Variants in C1QBP observed in about 807,000 individuals in gnomAD.
C1QBP encodes the protein complement C1q binding protein.
Under a neutral mutation model 29.4 loss-of-function variants are expected in C1QBP, and 24 were observed. The ratio of observed to expected loss-of-function variants is 0.82; its 90% CI spans 0.59 to 1.15. C1QBP has a LOEUF of 1.15. Among genes scored for constraint, C1QBP ranks in the 50% most tolerant of loss-of-function variants. C1QBP has a pLI of 0.00. For synonymous variants in C1QBP, 182 were observed against 149.2 expected (o/e 1.22, Z -1.60); for missense variants, 337 against 355.8 (o/e 0.95, Z 0.43).
intron 3 of C1QBP, chr17:5,434,204 T>G: frequency 4.7e-6 from 1 of 212,894 alleles, no homozygotes; most frequent in African/African-American, 2.3e-5. Context: ...TTTCCTCTGA[T>G]GCGGAGCTCT....
rs942069576 is a variant in C1QBP at position 5,433,005 on chromosome 17, T to C, written c.*10A>G. The C allele has an allele frequency of 1.2e-6, 2 of 1,605,082 alleles. No homozygotes were observed. The highest frequency in any genetic ancestry group is 2.7e-5 in the African/African-American group (2 of 74,434). ...TGCCATGAAACTATGGCTTTCAGCA[T>C]CTGTCTGCTCTACTGGCTCTTGACA... On this transcript the variant is annotated 3_prime_UTR_variant, in exon 6 of 6. Coordinates refer to ENST00000225698, the MANE Select transcript of C1QBP (RefSeq NM_001212.4).
rs112445315 is a variant in C1QBP at position 5,432,973 on chromosome 17, C to T, written c.*42G>A. On this transcript the variant is annotated 3_prime_UTR_variant, in exon 6 of 6. Coordinates refer to ENST00000225698, the MANE Select transcript of C1QBP (RefSeq NM_001212.4). ...TTCAGAGTAGGATTTGTTCACTGGC[C>T]AAAGCCTGCCATGAAACTATGGCTT... 1 of 1,587,284 alleles carries T rather than the reference C, an allele frequency of 6.3e-7. No individual in the cohort carries two copies. The highest frequency in any genetic ancestry group is 8.6e-7 in the Non-Finnish European group (1 of 1,167,534).
chr17:5,436,041 T>TCC (rs72166796), intron 2 of C1QBP, among the ~76,000 whole-genome samples: 2 of 38,822 alleles, frequency 5.2e-5, no homozygotes, highest in African/African-American at 1.9e-4. Context: ...CAAGACTCTG[T>TCC]CAGAAAAAAA....
intron 2 of C1QBP, among the ~76,000 whole-genome samples, chr17:5,436,837 G>A (rs761909891): frequency 2.2e-4 from 33 of 152,168 alleles, no homozygotes; most frequent in Non-Finnish European, 3.7e-4. Context: ...GGCCAACACG[G>A]TGAAACCCTG....
rs377034401 is a variant in C1QBP at position 5,436,883 on chromosome 17, G to A, written c.383+1240C>T. 1.4e-4 allele frequency among the ~76,000 whole-genome samples: 21 copies of A among 152,174 alleles called. 1 individual carries two copies. The East Asian group carries it at 2.7e-3, about 20-fold the overall frequency. Reference sequence around the variant, plus strand: ...AAATACAAAAATTAACCGGACGCACGCCTGTAATCCCAGCTAAGGAGGCTG... The same window carrying A: ...AAATACAAAAATTAACCGGACGCACACCTGTAATCCCAGCTAAGGAGGCTG... On this transcript the variant is annotated intron_variant, in intron 2 of 5. Transcript: ENST00000225698.
chr17:5,436,760 C>G (rs1916282864), intron 2 of C1QBP, among the ~76,000 whole-genome samples: 1 of 152,084 alleles, frequency 6.6e-6, no homozygotes, highest in African/African-American at 2.4e-5. Context: ...TGGCTCACAC[C>G]TGAAATCCCA....
Position 5,433,141 on chromosome 17 carries a change from A to C in C1QBP, c.723T>G (p.Asp241Glu), listed in dbSNP as rs544620273. The C allele has an allele frequency of 6.2e-7, 1 of 1,614,056 alleles. No individual in the cohort carries two copies. Among genetic ancestry groups the C allele is most frequent in the South Asian group, 1.1e-5 (1 of 91,058 alleles). ...LDWALYDHLM[D>E]FLADRGVDNT... ...TGTCCACCCCTCGGTCGGCAAGGAA[A>C]TCCATTAGGTGGTCATATAAGGCCT... The change falls in exon 6 of 6, where the codon GAT becomes GAG. Residue 241 changes from aspartate (D) to glutamate (E), a missense_variant. By Grantham distance (45) the Asp-to-Glu change is conservative. Coordinates refer to ENST00000225698, the MANE Select transcript of C1QBP (RefSeq NM_001212.4).
In C1QBP at chr17:5,433,380, G is replaced by A; in HGVS notation, c.612C>T (p.Phe204=). 6.2e-7 allele frequency: 1 copy of A among 1,614,078 alleles called. No individual in the cohort carries two copies. The highest frequency in any genetic ancestry group is 1.3e-5 in the African/African-American group (1 of 75,026). Residue 204 remains phenylalanine (F), a synonymous_variant, in exon 5 of 6, where the codon TTC becomes TTT. Coordinates refer to ENST00000225698, the MANE Select transcript of C1QBP (RefSeq NM_001212.4). ...ACTGAAAGCTAACTTCCCTGATAGA[G>A]AAGATGTCACTCTCAGCCTCGTCTT... is the stretch of plus-strand genomic sequence containing the variant. ...GQEDEAESDI[F]SIREVSFQST...
In C1QBP at chr17:5,433,771, G is replaced by C; in HGVS notation, c.478-4C>G. On this transcript the variant is annotated splice_polypyrimidine_tract_variant and splice_region_variant and intron_variant, in intron 3 of 5. Coordinates refer to ENST00000225698, the MANE Select transcript of C1QBP (RefSeq NM_001212.4). Reference sequence around the variant, plus strand: ...TGGGAGTTGATGTCAGTTCAGGCTGGGGAAACAAGAAGTCAATACATGCTG... The same window carrying C: ...TGGGAGTTGATGTCAGTTCAGGCTGCGGAAACAAGAAGTCAATACATGCTG... 6.2e-7 allele frequency: 1 copy of C among 1,613,438 alleles called. No homozygotes were observed. The highest frequency in any genetic ancestry group is 8.5e-7 in the Non-Finnish European group (1 of 1,179,340).
chr17:5,432,869 CACAAA>C lies in C1QBP; in HGVS notation c.*141_*145del. ...AGAAAAAAATGATAATAAATGAGAACACAAAACATATAATTTAAATTTGGTATTTT... is the reference window on the plus strand; with the variant it reads ...AGAAAAAAATGATAATAAATGAGAACACATATAATTTAAATTTGGTATTTT... On this transcript the variant is annotated 3_prime_UTR_variant, in exon 6 of 6. Transcript: ENST00000225698. The C allele has an allele frequency of 9.8e-7, 1 of 1,015,484 alleles. No individual in the cohort carries two copies. Among genetic ancestry groups the C allele is most frequent in the Non-Finnish European group, 1.4e-6 (1 of 724,856 alleles). 62.9% of individuals were successfully genotyped at this position (1,015,484 alleles called of 1,614,324 possible).
intron 2 of C1QBP, among the ~76,000 whole-genome samples, chr17:5,436,916 A>C (rs1221178553): frequency 1.3e-5 from 2 of 152,168 alleles, no homozygotes; most frequent in Non-Finnish European, 2.9e-5. Flanking sequence ...CTGAGGCAGG[A>C]GAATTGTCAG....
At chr17:5,438,715 T>C in intron 1 of C1QBP, 127 bp downstream of exon 1, 1 of 1,538,296 alleles carries the variant, frequency 6.5e-7, no homozygotes, top group Non-Finnish European at 8.8e-7. Flanking sequence ...ATACGTGGGT[T>C]TAGCCCGCTG....
chr17:5,434,302 G>T (rs1417587104), intron 3 of C1QBP, among the ~76,000 whole-genome samples: 1 of 152,200 alleles, frequency 6.6e-6, no homozygotes, highest in Non-Finnish European at 1.5e-5. Flanking sequence ...TCCACACCAG[G>T]TCATGACCCA....
At position 5,434,900 on chromosome 17, in the gene C1QBP, C is replaced by T. The variant is rs535657744; in HGVS notation, c.450G>A (p.Ser150=). Residue 150 remains serine, a synonymous_variant, in exon 3 of 6, where the codon TCG becomes TCA. Transcript: ENST00000225698. ...CCTGTTCTTCAACCTTCTGCCCTTG[C>T]GAGGGTTCCTCCTCACCATCAAATG... The part of the protein sequence containing the change: ...PPTFDGEEEP[S]QGQKVEEQEP... 1.8e-5 allele frequency: 29 copies of T among 1,613,920 alleles called. No homozygotes were observed. In the South Asian group the frequency reaches 2.2e-4, roughly 12 times the overall value.
chr17:5,437,597 C>T (rs985012538), intron 2 of C1QBP, among the ~76,000 whole-genome samples: 1 of 152,190 alleles, frequency 6.6e-6, no homozygotes, highest in Admixed American at 6.5e-5. Flanking sequence ...GGGTGTGAGC[C>T]ACCGCGCCCA....
chr17:5,438,883 G>A lies in C1QBP; in HGVS notation c.191C>T (p.Pro64Leu). 6.5e-7 allele frequency: 1 copy of A among 1,542,994 alleles called. No homozygotes were observed. Among genetic ancestry groups the A allele is most frequent in the Non-Finnish European group, 8.7e-7 (1 of 1,144,360 alleles). Residue 64 changes from proline (P) to leucine (L), a missense_variant, in exon 1 of 6, where the codon CCC (proline) becomes CTC (leucine). Transcript: ENST00000225698. ...RRPGLLRPRG[P>L]CACGCGCGSL... ...GCCGCAGCCACAGCCACAGGCGCAG[G>A]GTCCGCGAGGCCGCAGGAGGCCCGG...
chr17:5,438,956 T>G lies in C1QBP; in HGVS notation c.118A>C (p.Thr40Pro). The part of the protein sequence containing the change: ...QLLQPAPRLC[T>P]RPFGLLSVRA... ...ACGCTGAGCAGCCCGAAGGGCCGGG[T>G]GCACAGCCGGGGTGCCGGCTGCAGG... is the stretch of plus-strand genomic sequence containing the variant. Residue 40 changes from threonine to proline, a missense_variant, in exon 1 of 6, where the codon ACC becomes CCC. Transcript: ENST00000225698. 2 of 1,509,814 alleles carry G rather than the reference T, an allele frequency of 1.3e-6. No homozygotes were observed. Among genetic ancestry groups the G allele is most frequent in the Non-Finnish European group, 1.8e-6 (2 of 1,131,274 alleles). 93.5% of individuals were successfully genotyped at this position (1,509,814 alleles called of 1,614,324 possible).
intron 2 of C1QBP, among the ~76,000 whole-genome samples, chr17:5,435,893 A>T: frequency 7.0e-6 from 1 of 142,850 alleles, no homozygotes; most frequent in African/African-American, 2.7e-5. Context: ...AAAAAAAAAA[A>T]AAATTAGCTG....
rs760029180 is a variant in C1QBP at position 5,439,112 on chromosome 17, A to G, written c.-39T>C. The G allele has an allele frequency of 2.6e-6, 4 of 1,537,714 alleles. No homozygotes were observed. The highest frequency in any genetic ancestry group is 3.5e-6 in the Non-Finnish European group (4 of 1,141,960). On this transcript the variant is annotated 5_prime_UTR_variant, in exon 1 of 6. Transcript: ENST00000225698. ...GCGAACACGTGCAGATGCAAAGGAC[A>G]ACCCAGGCCTAGGCGCCCCGCGACC...
Sources: allele counts gnomAD v4.1 joint callset (sites outside exome capture counted in the v4.1 genomes callset), GRCh38; gene constraint gnomAD v4.1.1; transcripts MANE v1.5; gene names NCBI Gene and HGNC (gene_info 2026-07-23, HGNC 2026-07-21).